Variants in SBF1 observed in about 807,000 individuals in gnomAD.
SBF1 encodes myotubularin-related protein 5.
In SBF1, 65 loss-of-function variants were observed where a neutral mutation model predicts 215.8. The ratio of observed to expected loss-of-function variants is 0.30; its 90% confidence interval spans 0.25 to 0.37. The LOEUF (loss-of-function observed/expected upper bound fraction) is 0.37. Among genes scored for constraint, SBF1 ranks in the 10% least tolerant of loss-of-function variants. The pLI, the probability that SBF1 is intolerant of heterozygous loss-of-function variation, is 1.00. For synonymous variants in SBF1, 1,410 were observed against 1,122.8 expected (o/e 1.26, Z -5.11); for missense variants, 2,634 against 2,667.8 (o/e 0.99, Z 0.28).
chr22:50,471,926 G>T (rs1289577400), intron 1 of SBF1, among the ~76,000 whole-genome samples: 2 of 152,234 alleles, frequency 1.3e-5, no homozygotes, highest in African/African-American at 4.8e-5. Flanking sequence ...GATCCAAGGG[G>T]TCCAGCCCCT....
At chr22:50,459,024 G>A (rs893574803) in intron 28 of SBF1, among the ~76,000 whole-genome samples, 3 of 152,162 alleles carry the variant, frequency 2.0e-5, no homozygotes, top group African/African-American at 7.2e-5. Flanking sequence ...CGGGCAGGAC[G>A]TCAGGGCGGG....
rs574059360 is a variant in SBF1 at position 50,465,521 on chromosome 22, T to G, written c.1090-193A>C. ...ACAAGGCACTCCTGGCTCAGCACCC[T>G]CAAGGGCTCCTGTGATCAGACGCCA... is the stretch of plus-strand genomic sequence containing the variant. On this transcript the variant is annotated intron_variant, in intron 10 of 40. Coordinates refer to ENST00000380817, the MANE Select transcript of SBF1 (RefSeq NM_002972.4). Among the ~76,000 whole-genome samples the G allele has an allele frequency of 2.6e-3, 399 of 152,244 alleles. 1 individual carries two copies. Among genetic ancestry groups the G allele is most frequent in the African/African-American group, 9.1e-3 (377 of 41,544 alleles).
chr22:50,466,389 C>G lies in SBF1; in HGVS notation c.749G>C (p.Cys250Ser). 6.4e-7 allele frequency: 1 copy of G among 1,554,582 alleles called. No homozygotes were observed. Among genetic ancestry groups the G allele is most frequent in the Non-Finnish European group, 8.7e-7 (1 of 1,149,208 alleles). The change falls in exon 7 of 41, where the codon TGT becomes TCT. Residue 250 changes from cysteine (C) to serine (S), a missense_variant. Cys to Ser is a moderately radical substitution (Grantham distance 112, BLOSUM62 -1). Coordinates refer to ENST00000380817, the MANE Select transcript of SBF1 (RefSeq NM_002972.4). ...SRSYQRLADA[C>S]RGLLALLFPL... ...AAACAGCAGTGCCAGGAGGCCCCTA[C>G]AGGCATCGGCGAGCCGCTGGTAGCT...
chr22:50,460,709 G>C lies in SBF1; in HGVS notation c.2971C>G (p.Leu991Val), dbSNP rs2067470481. 2 of 1,612,444 alleles carry C rather than the reference G, an allele frequency of 1.2e-6. No individual in the cohort carries two copies. Among genetic ancestry groups the C allele is most frequent in the African/African-American group, 1.3e-5 (1 of 74,914 alleles). ...ACCTCCTCGTCAAAGGCCATTTTCA[G>C]CAGCTGTGTCAGTAAAAGCAGCCCT... Reference protein sequence around the residue: ...LQLRSCTFQLLKMAFDEEVGS... With the variant: ...LQLRSCTFQLVKMAFDEEVGS... Residue 991 changes from leucine (L) to valine (V), a missense_variant, in exon 24 of 41, where the codon CTG (leucine) becomes GTG (valine). By Grantham distance (32) the Leu-to-Val change is conservative. Coordinates refer to ENST00000380817, the MANE Select transcript of SBF1 (RefSeq NM_002972.4).
rs868063263 is a variant in SBF1, at chr22:50,464,605, G to A, written c.1565C>T (p.Ala522Val). 10 of 1,611,656 alleles carry A rather than the reference G, an allele frequency of 6.2e-6. No individual in the cohort carries two copies. The highest frequency in any genetic ancestry group is 1.6e-4 in the Middle Eastern group (1 of 6,062). ...TVQWIVDQAA[A>V]KMQGAPPAVK... The stretch of plus-strand genomic sequence containing the variant: ...AGCTGGGGGTGCACCCTGCATCTTG[G>A]CTGCAGCCTGGTCCACGATCCACTG... Residue 522 changes from alanine (A) to valine (V), a missense_variant, in exon 14 of 41, where the codon GCC (alanine) becomes GTC (valine). Transcript: ENST00000380817.
At position 50,446,356 on chromosome 22, in the gene SBF1, T is replaced by TGC. The variant is rs2066808396; in HGVS notation, c.*785_*786insGC. ...CCTGCATTCCCCTGGGAGCCCACTG[T>TGC]CCCCCCCCCCCCCCCGCCTCCGGCC... is the stretch of plus-strand genomic sequence containing the variant. On this transcript the variant is annotated 3_prime_UTR_variant, in exon 41 of 41. Coordinates refer to ENST00000380817, the MANE Select transcript of SBF1 (RefSeq NM_002972.4). 2.3e-4 allele frequency: 8 copies of TGC among 35,032 alleles called. No individual in the cohort carries two copies. Among genetic ancestry groups the TGC allele is most frequent in the Admixed American group, 5.4e-4 (2 of 3,678 alleles). 2.2% of individuals were successfully genotyped at this position (35,032 alleles called of 1,614,324 possible).
In SBF1 at chr22:50,456,642, G is replaced by C. The variant is rs376167377; in HGVS notation, c.3936C>G (p.Arg1312=). The part of the protein sequence containing the change: ...GKWGSVRTSG[R]SSGLGTDVGS... ...CCACATCGGTGCCAAGGCCACTGCT[G>C]CGTCCACTGGTCCGGACACTGCCCC... The change falls in exon 30 of 41, where the codon CGC becomes CGG. Residue 1312 remains arginine (R), a synonymous_variant. Coordinates refer to ENST00000380817, the MANE Select transcript of SBF1 (RefSeq NM_002972.4). 2 of 1,505,216 alleles carry C rather than the reference G, an allele frequency of 1.3e-6. No homozygotes were observed. Among genetic ancestry groups the C allele is most frequent in the African/African-American group, 1.4e-5 (1 of 71,596 alleles). The allele number at this position is 1,505,216 out of a possible 1,614,324, so 93.2% of individuals were successfully genotyped here. A position where few individuals can be genotyped will look rare whatever the true frequency, so the allele number is the denominator to read the frequency against.
chr22:50,474,725 C>A, intron 1 of SBF1, 61 bp downstream of exon 1: 1 of 1,386,302 alleles, frequency 7.2e-7, no homozygotes, highest in Non-Finnish European at 9.6e-7. Flanking sequence ...CAGACCCAGC[C>A]CCTGGCCCTC....
At chr22:50,448,176 G>T in intron 38 of SBF1, 57 bp downstream of exon 38, 1 of 1,546,934 alleles carries the variant, frequency 6.5e-7, no homozygotes. Context: ...GGACTGCCTG[G>T]GACCCCAGAA....
intron 28 of SBF1, 190 bp from the exon 29 acceptor site, chr22:50,457,301 G>A (rs1247597848): frequency 8.4e-6 from 4 of 476,528 alleles, no homozygotes; most frequent in African/African-American, 8.1e-5. Flanking sequence ...TGCCAGGGCA[G>A]GGCAGGCCGC....
Position 50,462,664 on chromosome 22 carries a change from C to G in SBF1, c.2022G>C (p.Val674=), listed in dbSNP as rs764783774. 4 of 1,612,610 alleles carry G rather than the reference C, an allele frequency of 2.5e-6. No individual in the cohort carries two copies. In the South Asian group the frequency reaches 3.3e-5, roughly 13 times the overall value. ...CCCAGAACTGTGGCGTGCTCCACAC[C>G]ACGTGCTCCTGCACACAGCTGTATG... The part of the protein sequence containing the change: ...QFAYSCVQEH[V]VWSTPQFWEA... Residue 674 remains valine (V), a synonymous_variant, in exon 18 of 41, where the codon GTG becomes GTC. Coordinates refer to ENST00000380817, the MANE Select transcript of SBF1 (RefSeq NM_002972.4).
In SBF1 at chr22:50,464,537, TG is replaced by T; in HGVS notation, c.1632del (p.Met545Ter). 6.2e-7 allele frequency: 1 copy of T among 1,609,444 alleles called. No homozygotes were observed. Among genetic ancestry groups the T allele is most frequent in the South Asian group, 1.1e-5 (1 of 90,518 alleles). ...ERRTTVPSGP[P>X]MTAILERCSG... ...CTTCCCCTCCCTCATTACGCACTCA[TG>T]GGGGGCCCTGAGGGCACGGTGGTCC... On this transcript the variant is annotated frameshift_variant, in exon 14 of 41. Coordinates refer to ENST00000380817, the MANE Select transcript of SBF1 (RefSeq NM_002972.4). LOFTEE classifies it high-confidence loss of function.
intron 36 of SBF1, among the ~76,000 whole-genome samples, chr22:50,453,573 G>A (rs1193031683): frequency 6.6e-6 from 1 of 152,186 alleles, no homozygotes; most frequent in Non-Finnish European, 1.5e-5. Context: ...GGATCACGAG[G>A]TCAGGAGATC....
rs747733689 is a variant in SBF1, at chr22:50,464,622, G to A, written c.1548C>T (p.Ile516=). 12 of 1,610,906 alleles carry A rather than the reference G, an allele frequency of 7.4e-6. No individual in the cohort carries two copies. In the African/African-American group the frequency reaches 1.3e-4, roughly 18 times the overall value. ...PRLDEGTVQW[I]VDQAAAKMQG... ...GCATCTTGGCTGCAGCCTGGTCCAC[G>A]ATCCACTGCACGGTGCCCTCATCCA... Residue 516 remains isoleucine, a synonymous_variant, in exon 14 of 41, where the codon ATC becomes ATT. Coordinates refer to ENST00000380817, the MANE Select transcript of SBF1 (RefSeq NM_002972.4).
chr22:50,459,200 C>T, intron 28 of SBF1, 55 bp downstream of exon 28: 4 of 1,555,982 alleles, frequency 2.6e-6, no homozygotes, highest in Non-Finnish European at 3.5e-6. Flanking sequence ...CCATAAATGC[C>T]ACCACGGCCC....
rs879066998 is a variant in SBF1, at chr22:50,445,039, CAG to C, written c.*2101_*2102del. Reference sequence around the variant, plus strand: ...CATTTTTAATGTTCTGATCACCTGACAGGGCACCCCAAACCCCCAACTCCCAA... The same window carrying C: ...CATTTTTAATGTTCTGATCACCTGACGGCACCCCAAACCCCCAACTCCCAA... On this transcript the variant is annotated 3_prime_UTR_variant, in exon 41 of 41. Transcript: ENST00000380817. The C allele has an allele frequency of 6.5e-5, 10 of 152,858 alleles. No homozygotes were observed. The highest frequency in any genetic ancestry group is 5.9e-4 in the Admixed American group (9 of 15,300). 9.5% of individuals were successfully genotyped at this position (152,858 alleles called of 1,614,324 possible).
intron 15 of SBF1, 115 bp from the exon 16 acceptor site, chr22:50,463,547 C>A: frequency 8.4e-7 from 1 of 1,186,446 alleles, no homozygotes; most frequent in East Asian, 2.6e-5. Flanking sequence ...GTGGGGTGTG[C>A]CAGACTCTGG....
Position 50,445,553 on chromosome 22 carries a change from A to G in SBF1, c.*1589T>C, listed in dbSNP as rs1164128331. The G allele has an allele frequency of 6.6e-6, 1 of 152,228 alleles. No individual in the cohort carries two copies. The highest frequency in any genetic ancestry group is 2.4e-5 in the African/African-American group (1 of 41,420). 9.4% of individuals were successfully genotyped at this position (152,228 alleles called of 1,614,324 possible). A position where few individuals can be genotyped will look rare whatever the true frequency, so the allele number is the denominator to read the frequency against. ...TCTCGCCGCCTACCCTGTGCCTGGC[A>G]TTTGTCCTCTCCCCCCACAGACGTG... On this transcript the variant is annotated 3_prime_UTR_variant, in exon 41 of 41. Transcript: ENST00000380817.
In SBF1 at chr22:50,461,339, C is replaced by G. The variant is rs547416304; in HGVS notation, c.2840-53G>C. ...GCAAGGAAGGTAAGGGGGGGGGGGTCCCAGAATCTCAGGGTACCACAGTTA... is the reference window on the plus strand; with the variant it reads ...GCAAGGAAGGTAAGGGGGGGGGGGTGCCAGAATCTCAGGGTACCACAGTTA... On this transcript the variant is annotated intron_variant, in intron 22 of 40. Transcript: ENST00000380817. The G allele has an allele frequency of 2.9e-5, 44 of 1,540,904 alleles. No individual in the cohort carries two copies. In the African/African-American group the frequency reaches 4.6e-4, roughly 16 times the overall value.
Sources: gnomAD v4.1 joint callset for allele counts (sites outside exome capture counted in the v4.1 genomes callset) on GRCh38, gnomAD v4.1.1 for gene constraint, MANE v1.5 for transcripts, NCBI Gene and HGNC (gene_info 2026-07-23, HGNC 2026-07-21) for gene names.